The following PCCA variants were observed in gnomAD, a reference collection of about 807,000 sequenced individuals.
The protein encoded by PCCA is propionyl-CoA carboxylase subunit alpha, also known as propionyl-CoA carboxylase alpha chain, mitochondrial.
PCCA carries 74 observed loss-of-function variants against 101.3 expected under a neutral mutation model. The observed-to-expected ratio is 0.73, with a 90% CI of 0.61 to 0.89. PCCA has a LOEUF of 0.89. Among genes scored for constraint, PCCA ranks in the 40% least tolerant of loss-of-function variants. PCCA has a pLI of 0.00. For missense variants in PCCA, 891 were observed against 907.0 expected (o/e 0.98, Z 0.23); for synonymous variants, 294 against 313.6 (o/e 0.94, Z 0.66).
At chr13:100,277,237 T>G (rs2063727834) in intron 12 of PCCA, among the ~76,000 whole-genome samples, 1 of 152,178 alleles carries the variant, frequency 6.6e-6, no homozygotes, top group South Asian at 2.1e-4. Context: ...TTTATCAAGG[T>G]TCTTTGATAA....
At chr13:100,224,145 G>C (rs1306622723) in intron 7 of PCCA, among the ~76,000 whole-genome samples, 1 of 152,236 alleles carries the variant, frequency 6.6e-6, no homozygotes, top group African/African-American at 2.4e-5. Flanking sequence ...AGCCCAGGGA[G>C]GGGGTGGGAG....
At chr13:100,137,355 G>A (rs9557391) in intron 4 of PCCA, among the ~76,000 whole-genome samples, 104,431 of 152,068 alleles carry the variant, frequency 0.69, 36,555 homozygotes, top group African/African-American at 0.82. Context: ...ATAAATGTCA[G>A]TGAGATACAA....
chr13:100,272,790 A>C (rs9518036), intron 11 of PCCA, among the ~76,000 whole-genome samples: 64,292 of 152,006 alleles, frequency 0.42, 15,551 homozygotes, highest in South Asian at 0.65. Flanking sequence ...AAGTAGGCAG[A>C]TTTGTAAATA....
chr13:100,299,389 A>G (rs2065877582), intron 12 of PCCA, among the ~76,000 whole-genome samples: 1 of 152,246 alleles, frequency 6.6e-6, no homozygotes, highest in African/African-American at 2.4e-5. Context: ...AAAGACATGT[A>G]TACATAATTG....
intron 6 of PCCA, among the ~76,000 whole-genome samples, chr13:100,196,472 G>A (rs2058110223): frequency 6.6e-6 from 1 of 152,072 alleles, no homozygotes; most frequent in African/African-American, 2.4e-5. Flanking sequence ...AGTGGGGAAA[G>A]TTACCACTGT....
At chr13:100,449,387 G>T in intron 21 of PCCA, 82 bp downstream of exon 21, 3 of 772,948 alleles carry the variant, frequency 3.9e-6, no homozygotes, top group South Asian at 1.7e-5. Flanking sequence ...TTTGAACTTG[G>T]CTTCATTACT....
intron 4 of PCCA, among the ~76,000 whole-genome samples, chr13:100,151,546 C>T (rs943680775): frequency 6.6e-6 from 1 of 151,696 alleles, no homozygotes; most frequent in Non-Finnish European, 1.5e-5. Flanking sequence ...GAGCCGAGAT[C>T]GCGCCATTGC....
intron 8 of PCCA, among the ~76,000 whole-genome samples, chr13:100,247,599 T>C (rs2061516543): frequency 6.8e-6 from 1 of 148,050 alleles, no homozygotes; most frequent in Admixed American, 6.8e-5. Flanking sequence ...CTGCAACCTC[T>C]GCCTCCCGGG....
At chr13:100,094,216 G>GA (rs151206343) in intron 1 of PCCA, among the ~76,000 whole-genome samples, 13,053 of 103,842 alleles carry the variant, frequency 0.13, 699 homozygotes, top group Middle Eastern at 0.32. Flanking sequence ...CAACAAGAGC[G>GA]AAAATCTGTC....
intron 19 of PCCA, 37 bp from the exon 20 acceptor site, chr13:100,425,596 T>G (rs778550549): frequency 4.3e-6 from 6 of 1,406,502 alleles, no homozygotes; most frequent in Middle Eastern, 1.8e-4. Flanking sequence ...TTTTCTGTCT[T>G]TCTTCATGGT....
chr13:100,378,908 T>C (rs1213686499), intron 19 of PCCA, among the ~76,000 whole-genome samples: 1 of 152,158 alleles, frequency 6.6e-6, no homozygotes, highest in Non-Finnish European at 1.5e-5. Flanking sequence ...TTTTTAGTTA[T>C]TTTTCTGGAA....
chr13:100,307,865 T>C (rs2066579864), intron 15 of PCCA, among the ~76,000 whole-genome samples: 2 of 152,190 alleles, frequency 1.3e-5, no homozygotes, highest in South Asian at 2.1e-4. Context: ...TTTATTTTAT[T>C]ATTATTTTTT....
At chr13:100,299,051 A>G (rs928065167) in intron 12 of PCCA, among the ~76,000 whole-genome samples, 1 of 152,126 alleles carries the variant, frequency 6.6e-6, no homozygotes, top group Non-Finnish European at 1.5e-5. Flanking sequence ...AAGTTAGACT[A>G]TTTTGTGGAC....
intron 21 of PCCA, among the ~76,000 whole-genome samples, chr13:100,498,107 A>G (rs1052022676): frequency 6.6e-6 from 1 of 151,870 alleles, no homozygotes; most frequent in African/African-American, 2.4e-5. Flanking sequence ...CCTCAAAGTA[A>G]TCCTCTCACC....
chr13:100,348,817 T>TTCC (rs1318311032), intron 18 of PCCA, among the ~76,000 whole-genome samples: 4 of 62,648 alleles, frequency 6.4e-5, no homozygotes, highest in South Asian at 3.8e-4. Flanking sequence ...CCTTCCTTCC[T>TTCC]TTCTTTCTTT....
At chr13:100,423,325 G>A (rs1329688586) in intron 19 of PCCA, among the ~76,000 whole-genome samples, 4 of 152,088 alleles carry the variant, frequency 2.6e-5, no homozygotes, top group African/African-American at 7.2e-5. Flanking sequence ...CCTTTCTCTG[G>A]TATTAACCCG....
At chr13:100,179,714 GGTTTATTTT>G (rs2056612502) in intron 6 of PCCA, among the ~76,000 whole-genome samples, 1 of 103,354 alleles carries the variant, frequency 9.7e-6, no homozygotes, top group Non-Finnish European at 2.2e-5. Flanking sequence ...TTCCCACAAT[GGTTTATTTT>G]CCTGTCTGTG....
intron 19 of PCCA, among the ~76,000 whole-genome samples, chr13:100,396,730 T>A (rs534855392): frequency 7.0e-4 from 107 of 152,374 alleles, no homozygotes; most frequent in African/African-American, 2.4e-3. Flanking sequence ...TACATTCTAA[T>A]ATTCTTTGTT....
chr13:100,373,701 G>C (rs1006760395), intron 19 of PCCA, among the ~76,000 whole-genome samples: 1 of 152,200 alleles, frequency 6.6e-6, no homozygotes, highest in African/African-American at 2.4e-5. Flanking sequence ...AAATGCAAAT[G>C]TATTTAATAC....
Sources: allele counts gnomAD v4.1 joint callset (sites outside exome capture counted in the v4.1 genomes callset), GRCh38; gene constraint gnomAD v4.1.1; transcripts MANE v1.5; gene names NCBI Gene and HGNC (gene_info 2026-07-23, HGNC 2026-07-21).